The following SORL1-AS1 variants were observed in gnomAD, a reference collection of about 807,000 sequenced individuals.
The protein encoded by SORL1-AS1 is SORL1 antisense RNA 1.
chr11:121,446,961 A>G (rs1000875030), downstream of SORL1-AS1, among the ~76,000 whole-genome samples: 24 of 152,324 alleles, frequency 1.6e-4, no homozygotes, highest in East Asian at 4.6e-3. Flanking sequence ...GTGAATGTAC[A>G]GCAAAGGCCT....
At chr11:121,439,004 C>T in the SORL1-AS1 span, among the ~76,000 whole-genome samples, 2 of 152,114 alleles carry the variant, frequency 1.3e-5, no homozygotes, top group Non-Finnish European at 2.9e-5. Flanking sequence ...CCAGCCTGGG[C>T]GGCAGAGCGA....
At chr11:121,441,236 T>A in the SORL1-AS1 span, among the ~76,000 whole-genome samples, 6 of 152,100 alleles carry the variant, frequency 3.9e-5, no homozygotes, top group African/African-American at 1.4e-4. Context: ...GAATAAGGCC[T>A]CTATTGGCCA....
At chr11:121,447,757 T>G (rs1375640816) in exon 2 of SORL1-AS1, 1 of 152,112 alleles carries the variant, frequency 6.6e-6, no homozygotes, top group African/African-American at 2.4e-5. Context: ...TGCTAACTTG[T>G]CCCAATCAGG....
chr11:121,447,056 A>T (rs1211567506), downstream of SORL1-AS1, among the ~76,000 whole-genome samples: 3 of 152,192 alleles, frequency 2.0e-5, no homozygotes, highest in Non-Finnish European at 4.4e-5. Flanking sequence ...CATTCACTTC[A>T]AACCCAGGAG....
chr11:121,439,183 T>C, the SORL1-AS1 span, among the ~76,000 whole-genome samples: 4 of 152,190 alleles, frequency 2.6e-5, no homozygotes, highest in African/African-American at 9.7e-5. Context: ...CATTTTATAC[T>C]TTTGCTGGCC....
the SORL1-AS1 span, among the ~76,000 whole-genome samples, chr11:121,438,431 C>T: frequency 6.6e-6 from 1 of 152,110 alleles, no homozygotes; most frequent in East Asian, 1.9e-4. Flanking sequence ...TCCCATGCTC[C>T]TTTCCTGTGG....
At chr11:121,442,057 T>C in the SORL1-AS1 span, among the ~76,000 whole-genome samples, 1 of 152,216 alleles carries the variant, frequency 6.6e-6, no homozygotes, top group Non-Finnish European at 1.5e-5. Flanking sequence ...AGTTGGAGCA[T>C]GTAAGCTTTA....
In SORL1-AS1 at chr11:121,452,353, A is replaced by G; in HGVS notation, n.339+322T>C. 1 of 1,553,524 alleles carries G rather than the reference A, an allele frequency of 6.4e-7. No homozygotes were observed. The highest frequency in any genetic ancestry group is 8.7e-7 in the Non-Finnish European group (1 of 1,154,420). On this transcript the variant is annotated intron_variant and non_coding_transcript_variant, in intron 1 of 1. Transcript: ENST00000501964. The surrounding 1 kb of genome is among the most constrained non-coding windows in gnomAD (Gnocchi z 5.3). ...GAACATGGCGACACGGAGCAGCAGG[A>G]GGGAGTCGCGACTCCCGTTCCTATT... is the stretch of plus-strand genomic sequence containing the variant.
At position 121,452,757 on chromosome 11, in the gene SORL1-AS1, C is replaced by T; in HGVS notation, n.257G>A. 1 of 658,270 alleles carries T rather than the reference C, an allele frequency of 1.5e-6. No homozygotes were observed. The allele number at this position is 658,270 out of a possible 1,614,324, so 40.8% of individuals were successfully genotyped here. On this transcript the variant is annotated non_coding_transcript_exon_variant, in exon 1 of 2. Coordinates refer to ENST00000501964, the Ensembl canonical transcript of SORL1-AS1. This position sits in a 1 kb window ranked among gnomAD's most constrained non-coding sequence, Gnocchi z 5.3. ...GGCTTGCATTTGTTTTTTTCCTTCACGAGTACAACCGTCAGCACTTGAATC... is the reference window on the plus strand; with the variant it reads ...GGCTTGCATTTGTTTTTTTCCTTCATGAGTACAACCGTCAGCACTTGAATC...
chr11:121,451,137 G>A (rs1291797216), intron 1 of SORL1-AS1, among the ~76,000 whole-genome samples: 1 of 152,152 alleles, frequency 6.6e-6, no homozygotes, highest in East Asian at 1.9e-4. Context: ...AGCCCTGCTT[G>A]CTGTGTCTTT....
chr11:121,448,412 T>C (rs1334732880), exon 2 of SORL1-AS1: 2 of 152,238 alleles, frequency 1.3e-5, no homozygotes, highest in African/African-American at 2.4e-5. Flanking sequence ...CTATTTTGCC[T>C]GAGCTGGTGA....
rs1860822689 is a variant in SORL1-AS1 at position 121,452,647 on chromosome 11, G to GT, written n.339+27dup. The GT allele has an allele frequency of 7.0e-7, 1 of 1,423,552 alleles. No homozygotes were observed. Among genetic ancestry groups the GT allele is most frequent in the Non-Finnish European group, 9.2e-7 (1 of 1,091,054 alleles). The allele number at this position is 1,423,552 out of a possible 1,614,324, so 88.2% of individuals were successfully genotyped here. ...CAGTTTTGCAACCCGCCTCCCTCCA[G>GT]TTTTTTCCTCTCCCTGCACTTCCTC... is the stretch of plus-strand genomic sequence containing the variant. On this transcript the variant is annotated intron_variant and non_coding_transcript_variant, in intron 1 of 1. Coordinates refer to ENST00000501964, the Ensembl canonical transcript of SORL1-AS1. This position sits in a 1 kb window ranked among gnomAD's most constrained non-coding sequence, Gnocchi z 5.3.
At chr11:121,447,066 G>C (rs1258527349), downstream of SORL1-AS1, among the ~76,000 whole-genome samples, 1 of 152,196 alleles carries the variant, frequency 6.6e-6, no homozygotes, top group Non-Finnish European at 1.5e-5. Flanking sequence ...AAACCCAGGA[G>C]GGGGAGTCCT....
At chr11:121,447,193 C>T (rs777952742), downstream of SORL1-AS1, 3 of 151,954 alleles carry the variant, frequency 2.0e-5, no homozygotes, top group Non-Finnish European at 2.9e-5. Context: ...TCTAGGTTCC[C>T]GCTTCACACA....
In SORL1-AS1 at chr11:121,450,456, CAT is replaced by C. The variant is rs1860775468; in HGVS notation, n.340-559_340-558del. 6.6e-6 allele frequency among the ~76,000 whole-genome samples: 1 copy of C among 151,606 alleles called. No individual in the cohort carries two copies. The highest frequency in any genetic ancestry group is 2.4e-5 in the African/African-American group (1 of 41,250). ...TGTTTGAATTATTATTTTTAATTGA[CAT>C]ATATAAGTATATAATAAATATATAT... On this transcript the variant is annotated intron_variant and non_coding_transcript_variant, in intron 1 of 1. Coordinates refer to ENST00000501964, the Ensembl canonical transcript of SORL1-AS1. The surrounding 1 kb of genome is among the most constrained non-coding windows in gnomAD (Gnocchi z 5.2).
Position 121,452,268 on chromosome 11 carries a change from C to T in SORL1-AS1, n.339+407G>A. On this transcript the variant is annotated intron_variant and non_coding_transcript_variant, in intron 1 of 1. Transcript: ENST00000501964. This position sits in a 1 kb window ranked among gnomAD's most constrained non-coding sequence, Gnocchi z 5.3. Reference sequence around the variant, plus strand: ...CGCGCGGTCCCGGCCCAGCGGCTCTCCTGGCCTCGCGCTGCACATTCTCTC... The same window carrying T: ...CGCGCGGTCCCGGCCCAGCGGCTCTTCTGGCCTCGCGCTGCACATTCTCTC... 1 of 1,346,182 alleles carries T rather than the reference C, an allele frequency of 7.4e-7. No individual in the cohort carries two copies. Among genetic ancestry groups the T allele is most frequent in the Non-Finnish European group, 9.7e-7 (1 of 1,032,474 alleles). The allele number at this position is 1,346,182 out of a possible 1,614,324, so 83.4% of individuals were successfully genotyped here.
In SORL1-AS1 at chr11:121,450,428, G is replaced by C. The variant is rs2134753810; in HGVS notation, n.340-529C>G. On this transcript the variant is annotated intron_variant and non_coding_transcript_variant, in intron 1 of 1. Transcript: ENST00000501964. This position sits in a 1 kb window ranked among gnomAD's most constrained non-coding sequence, Gnocchi z 5.2. ...TCAGTGGCTTTCTTGGAGGATGCAT[G>C]ATTGTTTGAATTATTATTTTTAATT... Among the ~76,000 whole-genome samples, 1 of 152,072 alleles carries C rather than the reference G, an allele frequency of 6.6e-6. No homozygotes were observed. The highest frequency in any genetic ancestry group is 2.1e-4 in the South Asian group (1 of 4,818).
chr11:121,446,048 G>A (rs1860717876), downstream of SORL1-AS1, among the ~76,000 whole-genome samples: 1 of 152,100 alleles, frequency 6.6e-6, no homozygotes, highest in South Asian at 2.1e-4. Flanking sequence ...TCTCCCCAGA[G>A]CATTGATTCA....
chr11:121,442,641 T>TTA (rs1555041787), downstream of SORL1-AS1, among the ~76,000 whole-genome samples: 3 of 127,538 alleles, frequency 2.4e-5, no homozygotes, highest in African/African-American at 6.3e-5. Context: ...TCTCTCTCTC[T>TTA]TTTATTTATT....
Sources: allele counts gnomAD v4.1 joint callset (sites outside exome capture counted in the v4.1 genomes callset), GRCh38; gene constraint gnomAD v4.1.1; non-coding constraint Gnocchi (gnomAD v3.1); transcripts MANE v1.5; gene names NCBI Gene and HGNC (gene_info 2026-07-23, HGNC 2026-07-21).